GRID1: variants seen among roughly 807,000 people sequenced by gnomAD.
GRID1 encodes the protein glutamate ionotropic receptor delta type subunit 1, also known as glutamate receptor ionotropic, delta-1.
In GRID1, 28 loss-of-function variants were observed where a neutral mutation model predicts 98.0. That is an observed-to-expected ratio of 0.29 (90% CI 0.21 to 0.39). GRID1 has a LOEUF of 0.39. GRID1 is among the 10% of genes least tolerant of loss of function. The pLI is 1.00. For synonymous variants in GRID1, 553 were observed against 538.5 expected (o/e 1.03, Z -0.37); for missense variants, 1,111 against 1,340.5 (o/e 0.83, Z 2.67).
At chr10:86,274,518 T>C (rs1172091894) in intron 2 of GRID1, among the ~76,000 whole-genome samples, 4 of 152,316 alleles carry the variant, frequency 2.6e-5, no homozygotes, top group South Asian at 2.1e-4. Context: ...GCCATTTTCA[T>C]GATATTGATT....
chr10:85,878,781 A>G (rs1290747059), intron 5 of GRID1, among the ~76,000 whole-genome samples: 1 of 151,268 alleles, frequency 6.6e-6, no homozygotes, highest in Non-Finnish European at 1.5e-5. Context: ...TATTAACTTT[A>G]AATGTAAATG....
chr10:85,646,112 G>A (rs1233025835), intron 13 of GRID1: 1 of 33,036 alleles, frequency 3.0e-5, no homozygotes, highest in Non-Finnish European at 5.5e-5. Context: ...ACAGGGATGA[G>A]TGTGTGTGTG....
chr10:85,804,119 G>T (rs959228910), intron 8 of GRID1, among the ~76,000 whole-genome samples: 1 of 149,992 alleles, frequency 6.7e-6, no homozygotes, highest in East Asian at 1.9e-4. Flanking sequence ...AATAAAAATT[G>T]ATAAAACCCT....
chr10:86,040,718 A>T (rs1231369292), intron 4 of GRID1, among the ~76,000 whole-genome samples: 1 of 152,198 alleles, frequency 6.6e-6, no homozygotes, highest in Non-Finnish European at 1.5e-5. Flanking sequence ...TGTATTGTAT[A>T]TTTCAAATAA....
intron 13 of GRID1, among the ~76,000 whole-genome samples, chr10:85,634,885 G>A (rs1031137514): frequency 4.0e-5 from 6 of 151,048 alleles, no homozygotes; most frequent in African/African-American, 1.5e-4. Context: ...AAAACCCAAA[G>A]CAATAATATT....
At chr10:86,229,531 C>T (rs953809237) in intron 2 of GRID1, among the ~76,000 whole-genome samples, 1 of 152,212 alleles carries the variant, frequency 6.6e-6, no homozygotes, top group African/African-American at 2.4e-5. Context: ...GCCTGACTCA[C>T]AGGGCACCCT....
At chr10:85,801,799 C>A (rs896442554) in intron 8 of GRID1, among the ~76,000 whole-genome samples, 4 of 151,300 alleles carry the variant, frequency 2.6e-5, no homozygotes, top group Non-Finnish European at 5.9e-5. Context: ...CTAGAATATA[C>A]AATTATAGGG....
chr10:86,212,114 G>A (rs866042057), intron 2 of GRID1, among the ~76,000 whole-genome samples: 2 of 152,300 alleles, frequency 1.3e-5, no homozygotes, highest in South Asian at 4.1e-4. Context: ...GGGGATTTCT[G>A]GAACATTCTC....
rs138571291 is a variant in GRID1 at position 86,170,200 on chromosome 10, G to A, written c.521-31176C>T. 1.4e-4 allele frequency among the ~76,000 whole-genome samples: 22 copies of A among 152,310 alleles called. No individual in the cohort carries two copies. In the East Asian group the frequency reaches 4.1e-3, roughly 28 times the overall value. ...TGAGTGGCTCTGGCCCAGCCCACAGGACTGGGTTTCTGTACCAGCCCTCCC... is the reference window on the plus strand; with the variant it reads ...TGAGTGGCTCTGGCCCAGCCCACAGAACTGGGTTTCTGTACCAGCCCTCCC... On this transcript the variant is annotated intron_variant, in intron 3 of 15. Transcript: ENST00000327946.
chr10:85,955,732 T>G (rs1434238506), intron 4 of GRID1, among the ~76,000 whole-genome samples: 1 of 152,112 alleles, frequency 6.6e-6, no homozygotes, highest in African/African-American at 2.4e-5. Context: ...CATCAGACAG[T>G]CAGTCAGCAC....
intron 8 of GRID1, among the ~76,000 whole-genome samples, chr10:85,843,519 ATGATTGCAAAC>A (rs1199277693): frequency 1.3e-5 from 2 of 152,136 alleles, no homozygotes; most frequent in African/African-American, 4.8e-5. Flanking sequence ...TTGCAATAAA[ATGATTGCAAAC>A]TATATATCCA....
chr10:86,361,133 G>A (rs1317240354), intron 2 of GRID1, among the ~76,000 whole-genome samples: 2 of 152,214 alleles, frequency 1.3e-5, no homozygotes, highest in Admixed American at 6.5e-5. Context: ...GCCCAGTGAT[G>A]GAAAAGCACC....
chr10:86,274,695 T>A (rs1847241109), intron 2 of GRID1, among the ~76,000 whole-genome samples: 1 of 152,000 alleles, frequency 6.6e-6, no homozygotes, highest in Non-Finnish European at 1.5e-5. Flanking sequence ...AGTTCACTCA[T>A]GATTTGGCTC....
chr10:85,983,371 T>C (rs1009675974), intron 4 of GRID1, among the ~76,000 whole-genome samples: 3 of 152,238 alleles, frequency 2.0e-5, no homozygotes, highest in Non-Finnish European at 4.4e-5. Context: ...GAGATTATGC[T>C]ACGTGTCCAC....
At chr10:85,988,719 G>A (rs78781564) in intron 4 of GRID1, among the ~76,000 whole-genome samples, 1,810 of 152,300 alleles carry the variant, frequency 0.012, 44 homozygotes, top group African/African-American at 0.041. Flanking sequence ...GGGTATGGGC[G>A]CAGGAATCTG....
chr10:86,259,909 C>T (rs907511593), intron 2 of GRID1, among the ~76,000 whole-genome samples: 1 of 152,272 alleles, frequency 6.6e-6, no homozygotes, highest in African/African-American at 2.4e-5. Flanking sequence ...CACCTAGTCA[C>T]CTGGCTCACT....
At chr10:85,731,684 C>T (rs1359360667) in intron 8 of GRID1, among the ~76,000 whole-genome samples, 1 of 151,402 alleles carries the variant, frequency 6.6e-6, no homozygotes, top group Non-Finnish European at 1.5e-5. Flanking sequence ...CTCCTGTAGT[C>T]CCAGCTATTT....
At chr10:86,126,924 G>A (rs1328582614) in intron 4 of GRID1, among the ~76,000 whole-genome samples, 4 of 152,342 alleles carry the variant, frequency 2.6e-5, no homozygotes, top group African/African-American at 9.6e-5. Flanking sequence ...ATCCCTGCCT[G>A]GATGCCATAG....
chr10:86,155,639 G>T (rs1354288718), intron 3 of GRID1, among the ~76,000 whole-genome samples: 1 of 152,196 alleles, frequency 6.6e-6, no homozygotes, highest in Admixed American at 6.5e-5. Context: ...GCAATCAGAG[G>T]TGTCAGAAGC....
Sources: allele counts gnomAD v4.1 joint callset (sites outside exome capture counted in the v4.1 genomes callset), GRCh38; gene constraint gnomAD v4.1.1; transcripts MANE v1.5; gene names NCBI Gene and HGNC (gene_info 2026-07-23, HGNC 2026-07-21).